CPNE8: variants seen among roughly 807,000 people sequenced by gnomAD.
CPNE8 encodes the protein copine-8.
In CPNE8, 45 loss-of-function variants were observed where a neutral mutation model predicts 81.5. That is an observed-to-expected ratio of 0.55 (90% CI 0.44 to 0.71). The LOEUF (loss-of-function observed/expected upper bound fraction) is 0.71. Among genes scored for constraint, CPNE8 ranks in the 30% least tolerant of loss-of-function variants. The pLI is 0.00. For missense variants in CPNE8, 594 were observed against 672.1 expected (o/e 0.88, Z 1.28); for synonymous variants, 252 against 226.3 (o/e 1.11, Z -1.02).
chr12:38,726,865 C>T (rs1940711450), intron 11 of CPNE8, among the ~76,000 whole-genome samples: 1 of 152,002 alleles, frequency 6.6e-6, no homozygotes, highest in South Asian at 2.1e-4. Flanking sequence ...GAAAAATTAC[C>T]TCATGATTTG....
At chr12:38,815,424 C>A (rs1002721626) in intron 6 of CPNE8, among the ~76,000 whole-genome samples, 1 of 152,156 alleles carries the variant, frequency 6.6e-6, no homozygotes, top group African/African-American at 2.4e-5. Flanking sequence ...TGCCCAAGAG[C>A]TTTTCACATG....
intron 6 of CPNE8, among the ~76,000 whole-genome samples, chr12:38,796,791 G>C (rs928315274): frequency 2.6e-5 from 4 of 152,012 alleles, no homozygotes; most frequent in Non-Finnish European, 4.4e-5. Context: ...CCCTTTCCTA[G>C]TCAAAGAAAG....
intron 13 of CPNE8, among the ~76,000 whole-genome samples, chr12:38,718,723 T>C (rs1483707173): frequency 6.6e-6 from 1 of 152,230 alleles, no homozygotes; most frequent in Non-Finnish European, 1.5e-5. Flanking sequence ...TGCATATCTA[T>C]ACACAAATGC....
intron 6 of CPNE8, among the ~76,000 whole-genome samples, chr12:38,805,955 T>A (rs1315048438): frequency 1.3e-5 from 2 of 149,892 alleles, no homozygotes; most frequent in African/African-American, 2.4e-5. Context: ...CAAACTACCA[T>A]CAGAGAATAC....
chr12:38,763,035 T>G (rs1267839304), intron 8 of CPNE8, among the ~76,000 whole-genome samples: 1 of 152,128 alleles, frequency 6.6e-6, no homozygotes, highest in Non-Finnish European at 1.5e-5. Context: ...ATTTTTGTAT[T>G]TTTAGTAGAG....
chr12:38,759,314 G>T (rs1419170927), intron 10 of CPNE8, among the ~76,000 whole-genome samples: 2 of 152,002 alleles, frequency 1.3e-5, no homozygotes, highest in African/African-American at 4.8e-5. Context: ...ATAAAATAGG[G>T]TATATAATAC....
At chr12:38,860,905 A>G in intron 3 of CPNE8, among the ~76,000 whole-genome samples, 1 of 152,210 alleles carries the variant, frequency 6.6e-6, no homozygotes, top group East Asian at 1.9e-4. Context: ...AAAATGAGTA[A>G]GTCCCAGAGA....
At chr12:38,792,148 A>G (rs1210302073) in intron 6 of CPNE8, among the ~76,000 whole-genome samples, 1 of 151,406 alleles carries the variant, frequency 6.6e-6, no homozygotes, top group African/African-American at 2.4e-5. Flanking sequence ...ATCTCAAGTC[A>G]ACAACCTAAC....
intron 6 of CPNE8, among the ~76,000 whole-genome samples, chr12:38,778,747 T>C (rs959150225): frequency 1.3e-5 from 2 of 152,210 alleles, no homozygotes; most frequent in African/African-American, 2.4e-5. Flanking sequence ...CTCAAGTTGA[T>C]TATGCTTTCT....
chr12:38,857,789 G>T (rs761779557), intron 3 of CPNE8, among the ~76,000 whole-genome samples: 5 of 152,108 alleles, frequency 3.3e-5, no homozygotes, highest in Admixed American at 1.3e-4. Context: ...TCAGCTACTC[G>T]GGAGGCTGAG....
intron 6 of CPNE8, among the ~76,000 whole-genome samples, chr12:38,818,291 C>A (rs908756754): frequency 6.6e-6 from 1 of 152,088 alleles, no homozygotes. Context: ...CCCTGGTCCC[C>A]CACCCCATGA....
Position 38,677,491 on chromosome 12 carries a change from AAC to A in CPNE8, c.1333_1334del (p.Val445TyrfsTer8). The A allele has an allele frequency of 6.2e-7, 1 of 1,612,656 alleles. No homozygotes were observed. ...YFVLLIVTDGVISDMAQTKES... is the reference protein window; with the variant it reads ...YFVLLIVTDGXISDMAQTKES... ...CCTTAGTCTGGGCCATATCTGAGAT[AAC>A]ACCATCTGTAACAATCAGAAGCACA... On this transcript the variant is annotated frameshift_variant, in exon 17 of 20. Coordinates refer to ENST00000331366, the MANE Select transcript of CPNE8 (RefSeq NM_153634.3). LOFTEE classifies it high-confidence loss of function.
At chr12:38,863,321 G>C (rs1252631007) in intron 3 of CPNE8, among the ~76,000 whole-genome samples, 1 of 152,188 alleles carries the variant, frequency 6.6e-6, no homozygotes, top group Non-Finnish European at 1.5e-5. Context: ...CGAAGATACT[G>C]AATCTGATAT....
At chr12:38,721,859 C>T (rs531608938) in intron 13 of CPNE8, among the ~76,000 whole-genome samples, 284 of 152,308 alleles carry the variant, frequency 1.9e-3, no homozygotes, top group African/African-American at 6.2e-3. Context: ...CATAGCCTTG[C>T]GGAGAGCTGG....
chr12:38,810,241 A>G (rs1203038435), intron 6 of CPNE8, among the ~76,000 whole-genome samples: 1 of 152,164 alleles, frequency 6.6e-6, no homozygotes, highest in African/African-American at 2.4e-5. Context: ...TCATTCCACC[A>G]GGCAATGGCA....
intron 6 of CPNE8, among the ~76,000 whole-genome samples, chr12:38,778,964 T>C (rs760865358): frequency 2.6e-5 from 4 of 152,162 alleles, no homozygotes; most frequent in Non-Finnish European, 5.9e-5. Flanking sequence ...AAGAACTCAA[T>C]ATAGCATGGC....
rs573384235 is a variant in CPNE8, at chr12:38,745,458, A to G, written c.723-15100T>C. ...TCAATCCATGGGCTGGATAGCAATC[A>G]TCTTTAAATTCCCCTGCAGTAACTA... On this transcript the variant is annotated intron_variant, in intron 10 of 19. Transcript: ENST00000331366. Among the ~76,000 whole-genome samples the G allele has an allele frequency of 7.9e-5, 12 of 152,310 alleles. No individual in the cohort carries two copies. In the South Asian group the frequency reaches 2.1e-3, roughly 26 times the overall value.
chr12:38,708,462 T>A (rs1305740127), intron 13 of CPNE8, among the ~76,000 whole-genome samples: 1 of 152,182 alleles, frequency 6.6e-6, no homozygotes, highest in Non-Finnish European at 1.5e-5. Context: ...ACATTTTGTT[T>A]AGGAAGTGTT....
intron 15 of CPNE8, among the ~76,000 whole-genome samples, chr12:38,689,066 T>C (rs926262184): frequency 6.6e-6 from 1 of 152,248 alleles, no homozygotes; most frequent in Non-Finnish European, 1.5e-5. Context: ...GTTGTGGTTC[T>C]GACACAAAAG....
Sources: allele counts gnomAD v4.1 joint callset (sites outside exome capture counted in the v4.1 genomes callset), GRCh38; gene constraint gnomAD v4.1.1; transcripts MANE v1.5; gene names NCBI Gene and HGNC (gene_info 2026-07-23, HGNC 2026-07-21).